Variants in TBX1 observed in about 807,000 individuals in gnomAD.
TBX1 encodes the protein T-box transcription factor 1, also known as T-box transcription factor TBX1.
Under a neutral mutation model 40.8 loss-of-function variants are expected in TBX1, and 16 were observed. The observed-to-expected ratio is 0.39, with a 90% CI of 0.27 to 0.60. The LOEUF is 0.60. Among genes scored for constraint, TBX1 ranks in the 20% least tolerant of loss-of-function variants. The pLI is 0.51. For synonymous variants in TBX1, 403 were observed against 336.8 expected (o/e 1.20, Z -2.15); for missense variants, 755 against 728.5 (o/e 1.04, Z -0.42).
upstream of TBX1, among the ~76,000 whole-genome samples, chr22:19,757,956 G>A (rs1184986763): frequency 6.6e-6 from 1 of 152,178 alleles, no homozygotes; most frequent in Non-Finnish European, 1.5e-5. Context: ...GGGTTGTGGG[G>A]GGCAGGACAT....
chr22:19,767,480 TGTCCGCCACGC>T (rs1936904427), downstream of TBX1: 5 of 757,152 alleles, frequency 6.6e-6, no homozygotes, highest in South Asian at 3.0e-4. Flanking sequence ...CACAGCGCCC[TGTCCGCCACGC>T]CTCCTGCCCT....
intron 8 of TBX1, among the ~76,000 whole-genome samples, chr22:19,775,443 C>T (rs1325582422): frequency 6.6e-6 from 1 of 152,220 alleles, no homozygotes; most frequent in Non-Finnish European, 1.5e-5. Context: ...AATCCTAGAT[C>T]ATCCACAGTT....
At chr22:19,782,920 C>A, downstream of TBX1, 3 of 1,613,526 alleles carry the variant, frequency 1.9e-6, no homozygotes, top group Non-Finnish European at 2.5e-6. Flanking sequence ...CAGGGCTGGT[C>A]ACAGAAGGCT....
intron 1 of TBX1, among the ~76,000 whole-genome samples, chr22:19,762,337 G>T (rs1224550101): frequency 6.6e-6 from 1 of 152,252 alleles, no homozygotes; most frequent in African/African-American, 2.4e-5. Flanking sequence ...CTGGCTCCTG[G>T]CATCTGTCTT....
Position 19,766,775 on chromosome 22 carries a change from G to A in TBX1, c.1423G>A (p.Ala475Thr), listed in dbSNP as rs766206180. 22 of 1,471,546 alleles carry A rather than the reference G, an allele frequency of 1.5e-5. No homozygotes were observed. Among genetic ancestry groups the A allele is most frequent in the East Asian group, 2.8e-5 (1 of 36,122 alleles). 91.2% of individuals were successfully genotyped at this position (1,471,546 alleles called of 1,614,324 possible). ...HHPVSPAAAA[A>T]AAAAAAAAAA... ...CCCCGTGAGTCCAGCCGCCGCGGCC[G>A]CCGCCGCCGCTGCCGCAGCTGCCGC... The change falls in exon 7 of 7, where the codon GCC (alanine) becomes ACC (threonine). Residue 475 changes from alanine to threonine, a missense_variant. Physicochemically the swap from Ala to Thr is moderately conservative, Grantham distance 58. Coordinates refer to ENST00000649276, the MANE Select transcript of TBX1 (RefSeq NM_001379200.1).
At chr22:19,768,857 C>G (rs1157710128), downstream of TBX1, among the ~76,000 whole-genome samples, 2 of 151,988 alleles carry the variant, frequency 1.3e-5, no homozygotes, top group East Asian at 1.9e-4. Flanking sequence ...AGCAAACTGG[C>G]CTGTTACCGT....
rs1391367296 is a variant in TBX1, at chr22:19,767,281, A to G, written c.*414A>G. On this transcript the variant is annotated 3_prime_UTR_variant, in exon 7 of 7. Transcript: ENST00000649276. ...GTAGATACATGTAGATACTGTAGATACTGTAGATACCGCCCCGGCGCCGAC... is the reference window on the plus strand; with the variant it reads ...GTAGATACATGTAGATACTGTAGATGCTGTAGATACCGCCCCGGCGCCGAC... 1.6e-5 allele frequency: 16 copies of G among 998,590 alleles called. No homozygotes were observed. Among genetic ancestry groups the G allele is most frequent in the Non-Finnish European group, 1.9e-5 (16 of 838,930 alleles). 61.9% of individuals were successfully genotyped at this position (998,590 alleles called of 1,614,324 possible).
At chr22:19,771,656 C>G (rs1160436816), downstream of TBX1, among the ~76,000 whole-genome samples, 1 of 152,224 alleles carries the variant, frequency 6.6e-6, no homozygotes, top group African/African-American at 2.4e-5. Flanking sequence ...GCCCAGGCCC[C>G]CTTCCTGCAG....
chr22:19,770,736 C>T (rs1569027515), downstream of TBX1, among the ~76,000 whole-genome samples: 8 of 152,242 alleles, frequency 5.3e-5, no homozygotes, highest in South Asian at 1.7e-3. Context: ...CCAGGTGTGC[C>T]GCAGATCAAA....
downstream of TBX1, among the ~76,000 whole-genome samples, chr22:19,780,746 G>T (rs1363634326): frequency 6.7e-6 from 1 of 150,288 alleles, no homozygotes; most frequent in African/African-American, 2.5e-5. Flanking sequence ...AGCGCACAAG[G>T]GTTCAGATTT....
chr22:19,764,897 C>G, intron 3 of TBX1, 61 bp from the exon 4 acceptor site: 1 of 1,604,692 alleles, frequency 6.2e-7, no homozygotes, highest in Non-Finnish European at 8.5e-7. Context: ...TTTCCTGGCT[C>G]CCACCCCAGA....
rs762629442 is a variant in TBX1 at position 19,761,129 on chromosome 22, G to A, written c.286G>A (p.Glu96Lys). The change falls in exon 1 of 7, where the codon GAG (glutamate) becomes AAG (lysine). Residue 96 changes from glutamate to lysine, a missense_variant. Transcript: ENST00000649276. ...CGCCACCAGCGCCGCCGCCGAGCCC[G>A]AGGGCCCCGGGGCCAGCTGCGCGGC... is the stretch of plus-strand genomic sequence containing the variant. ...GAATSAAAEP[E>K]GPGASCAAAA... 3 of 1,348,632 alleles carry A rather than the reference G, an allele frequency of 2.2e-6. No individual in the cohort carries two copies. The highest frequency in any genetic ancestry group is 1.8e-5 in the South Asian group (1 of 55,514). The allele number at this position is 1,348,632 out of a possible 1,614,324, so 83.5% of individuals were successfully genotyped here. A position where few individuals can be genotyped will look rare whatever the true frequency, so the allele number is the denominator to read the frequency against.
Position 19,766,961 on chromosome 22 carries a change from T to C in TBX1, c.*94T>C. ...CCCCAAGGGCAAGCAAGGAATACGT[T>C]CCCCCAGCCCCAGGGGCCACCGCGG... On this transcript the variant is annotated 3_prime_UTR_variant, in exon 7 of 7. Transcript: ENST00000649276. The C allele has an allele frequency of 6.6e-7, 1 of 1,504,144 alleles. No individual in the cohort carries two copies. The highest frequency in any genetic ancestry group is 2.3e-4 in the Middle Eastern group (1 of 4,424). The allele number at this position is 1,504,144 out of a possible 1,614,324, so 93.2% of individuals were successfully genotyped here. A position where few individuals can be genotyped will look rare whatever the true frequency, so the allele number is the denominator to read the frequency against.
At position 19,760,903 on chromosome 22, in the gene TBX1, A is replaced by G; in HGVS notation, c.60A>G (p.Ala20=). The change falls in exon 1 of 7, where the codon GCA becomes GCG. Residue 20 remains alanine, a synonymous_variant. Coordinates refer to ENST00000649276, the MANE Select transcript of TBX1 (RefSeq NM_001379200.1). ...AGCTCTCGCATTTCTGCGACGTTGC[A>G]GCCTTCACGGCCAGCAGCCTGAGCA... ...LTQLSHFCDV[A]AFTASSLSSL... is the part of the protein sequence containing the mutation. 2 of 1,058,276 alleles carry G rather than the reference A, an allele frequency of 1.9e-6. No homozygotes were observed. Among genetic ancestry groups the G allele is most frequent in the Non-Finnish European group, 2.3e-6 (2 of 866,988 alleles). The allele number at this position is 1,058,276 out of a possible 1,614,324, so 65.6% of individuals were successfully genotyped here.
chr22:19,765,760 C>T lies in TBX1; in HGVS notation c.870C>T (p.Ile290=). ...TGCTCACACCCACCTCCCTGCAGAT[C>T]ACGCAGCTCAAGATTGCCAGCAATC... The part of the protein sequence containing the change: ...TAVTAYQNHR[I]TQLKIASNPF... Residue 290 remains isoleucine (I), a splice_region_variant and synonymous_variant, in exon 5 of 7, where the codon ATC becomes ATT. Transcript: ENST00000649276. 1 of 1,611,856 alleles carries T rather than the reference C, an allele frequency of 6.2e-7. No individual in the cohort carries two copies. The highest frequency in any genetic ancestry group is 8.5e-7 in the Non-Finnish European group (1 of 1,179,346).
At chr22:19,779,912 G>A (rs41298014), downstream of TBX1, among the ~76,000 whole-genome samples, 1,058 of 151,384 alleles carry the variant, frequency 7.0e-3, 11 homozygotes, top group African/African-American at 0.024. Flanking sequence ...CCACGGTGAG[G>A]CCAAGTGCTG....
At chr22:19,775,950 G>A (rs955806542) in intron 8 of TBX1, among the ~76,000 whole-genome samples, 4 of 152,168 alleles carry the variant, frequency 2.6e-5, no homozygotes, top group Admixed American at 6.5e-5. Context: ...CAGAAGGCTG[G>A]TGACAGCCTT....
rs1251126284 is a variant in TBX1 at position 19,766,456 on chromosome 22, G to C, written c.1104G>C (p.Ala368=). 22 of 1,329,148 alleles carry C rather than the reference G, an allele frequency of 1.7e-5. No individual in the cohort carries two copies. Among genetic ancestry groups the C allele is most frequent in the Non-Finnish European group, 6.8e-6 (7 of 1,033,022 alleles). The allele number at this position is 1,329,148 out of a possible 1,614,324, so 82.3% of individuals were successfully genotyped here. A position where few individuals can be genotyped will look rare whatever the true frequency, so the allele number is the denominator to read the frequency against. The change falls in exon 7 of 7, where the codon GCG becomes GCC. Residue 368 remains alanine, a synonymous_variant. Coordinates refer to ENST00000649276, the MANE Select transcript of TBX1 (RefSeq NM_001379200.1). ...AGGPAVLGDP[A]HPPQLLARVL... ...GGCCAGCAGTGCTCGGGGACCCGGCGCATCCTCCGCAGCTGCTGGCCCGGG... is the reference window on the plus strand; with the variant it reads ...GGCCAGCAGTGCTCGGGGACCCGGCCCATCCTCCGCAGCTGCTGGCCCGGG...
chr22:19,766,803 C>A lies in TBX1; in HGVS notation c.1451C>A (p.Ala484Asp). The change falls in exon 7 of 7, where the codon GCC becomes GAC. Residue 484 changes from alanine (A) to aspartate (D), a missense_variant. Physicochemically the swap from Ala to Asp is moderately radical, Grantham distance 126. Coordinates refer to ENST00000649276, the MANE Select transcript of TBX1 (RefSeq NM_001379200.1). ...GCCGCCGCTGCCGCAGCTGCCGCGGCCGCCAACATGTACTCGTCGGCCGGA... is the reference window on the plus strand; with the variant it reads ...GCCGCCGCTGCCGCAGCTGCCGCGGACGCCAACATGTACTCGTCGGCCGGA... ...AAAAAAAAAA[A>D]ANMYSSAGAA... is the part of the protein sequence containing the mutation. 6.5e-7 allele frequency: 1 copy of A among 1,527,308 alleles called. No homozygotes were observed. The highest frequency in any genetic ancestry group is 8.7e-7 in the Non-Finnish European group (1 of 1,152,174). 94.6% of individuals were successfully genotyped at this position (1,527,308 alleles called of 1,614,324 possible). A position where few individuals can be genotyped will look rare whatever the true frequency, so the allele number is the denominator to read the frequency against.
Sources: allele counts gnomAD v4.1 joint callset (sites outside exome capture counted in the v4.1 genomes callset), GRCh38; gene constraint gnomAD v4.1.1; transcripts MANE v1.5; gene names NCBI Gene and HGNC (gene_info 2026-07-23, HGNC 2026-07-21).